SORCS3: variants seen among roughly 807,000 people sequenced by gnomAD.
The protein encoded by SORCS3 is sortilin related VPS10 domain containing receptor 3.
SORCS3 carries 57 observed loss-of-function variants against 146.3 expected under a neutral mutation model. The observed-to-expected ratio is 0.39, with a 90% CI of 0.31 to 0.49. The LOEUF (loss-of-function observed/expected upper bound fraction) is 0.49. Among genes scored for constraint, SORCS3 ranks in the 20% least tolerant of loss-of-function variants. The pLI is 0.92. For synonymous variants in SORCS3, 653 were observed against 618.5 expected, an observed-to-expected ratio of 1.06 and a Z score of -0.83; for missense variants, 1,341 against 1,575.5, an observed-to-expected ratio of 0.85 and a Z score of 2.52.
intron 3 of SORCS3, among the ~76,000 whole-genome samples, chr10:104,972,400 G>A (rs1260020858): frequency 6.6e-6 from 1 of 152,042 alleles, no homozygotes; most frequent in African/African-American, 2.4e-5. Context: ...AACCTTCTGT[G>A]GGAGAAATAT....
chr10:105,052,225 G>C (rs1241925202), intron 5 of SORCS3, among the ~76,000 whole-genome samples: 1 of 152,156 alleles, frequency 6.6e-6, no homozygotes, highest in African/African-American at 2.4e-5. Context: ...GAAAAGATTT[G>C]TGTGCATTAA....
intron 21 of SORCS3, among the ~76,000 whole-genome samples, chr10:105,246,248 C>T (rs922914872): frequency 1.7e-4 from 26 of 152,176 alleles, no homozygotes; most frequent in Admixed American, 2.6e-4. Context: ...ATGAAAGTGC[C>T]TCTACTGCCA....
At chr10:104,933,734 C>T (rs2019232805) in intron 3 of SORCS3, among the ~76,000 whole-genome samples, 1 of 152,182 alleles carries the variant, frequency 6.6e-6, no homozygotes, top group Admixed American at 6.5e-5. Flanking sequence ...CATCTTTATG[C>T]TGGGTCTCCC....
chr10:105,128,764 T>C (rs2055994266), intron 7 of SORCS3, among the ~76,000 whole-genome samples: 1 of 152,166 alleles, frequency 6.6e-6, no homozygotes, highest in African/African-American at 2.4e-5. Flanking sequence ...AATTTGTCAG[T>C]GAATACACTT....
chr10:104,762,879 T>C (rs1181526665), intron 1 of SORCS3, among the ~76,000 whole-genome samples: 1 of 152,150 alleles, frequency 6.6e-6, no homozygotes, highest in African/African-American at 2.4e-5. Context: ...GGTAGTATCT[T>C]TATAGCAATG....
At chr10:105,038,789 T>G (rs1183935915) in intron 4 of SORCS3, among the ~76,000 whole-genome samples, 3 of 152,178 alleles carry the variant, frequency 2.0e-5, no homozygotes, top group Admixed American at 2.0e-4. Context: ...ATTAATAATG[T>G]CATGAGAATT....
At chr10:105,080,326 T>C (rs909191186) in intron 5 of SORCS3, among the ~76,000 whole-genome samples, 1 of 152,246 alleles carries the variant, frequency 6.6e-6, no homozygotes, top group Non-Finnish European at 1.5e-5. Context: ...TGAGCTGTTT[T>C]TCATATGCTT....
chr10:104,716,544 A>G (rs557683052), intron 1 of SORCS3, among the ~76,000 whole-genome samples: 1 of 152,186 alleles, frequency 6.6e-6, no homozygotes, highest in African/African-American at 2.4e-5. Context: ...AGAGAGAGAC[A>G]GGGAGACAGG....
intron 5 of SORCS3, among the ~76,000 whole-genome samples, chr10:105,074,962 G>C (rs2055579521): frequency 1.3e-5 from 2 of 152,292 alleles, no homozygotes; most frequent in South Asian, 4.1e-4. Flanking sequence ...AATTGCCCAA[G>C]GCAGCACATT....
chr10:105,193,528 T>C (rs908502719), intron 14 of SORCS3, among the ~76,000 whole-genome samples: 5 of 152,148 alleles, frequency 3.3e-5, no homozygotes, highest in African/African-American at 9.7e-5. Context: ...GATGTAGACA[T>C]TGAGGTGTAC....
At chr10:105,160,060 C>G (rs2056249229) in intron 11 of SORCS3, among the ~76,000 whole-genome samples, 1 of 152,180 alleles carries the variant, frequency 6.6e-6, no homozygotes, top group Non-Finnish European at 1.5e-5. Context: ...GTGATCCTCA[C>G]ACTCTGCAAT....
intron 1 of SORCS3, among the ~76,000 whole-genome samples, chr10:104,823,618 A>G (rs2017900716): frequency 6.6e-6 from 1 of 152,160 alleles, no homozygotes; most frequent in Non-Finnish European, 1.5e-5. Context: ...TCCAAAGTGC[A>G]GGTCCTAAAA....
At chr10:105,128,526 G>T (rs1297656434) in intron 7 of SORCS3, among the ~76,000 whole-genome samples, 1 of 152,028 alleles carries the variant, frequency 6.6e-6, no homozygotes, top group East Asian at 1.9e-4. Flanking sequence ...AATGTATTTT[G>T]AACATGTCAA....
intron 5 of SORCS3, among the ~76,000 whole-genome samples, chr10:105,066,324 G>C (rs527365674): frequency 1.3e-5 from 2 of 152,272 alleles, no homozygotes; most frequent in East Asian, 3.9e-4. Flanking sequence ...TTCTAGACCT[G>C]TGATCTTACT....
At chr10:104,862,960 A>G (rs1460827714) in intron 2 of SORCS3, among the ~76,000 whole-genome samples, 1 of 152,226 alleles carries the variant, frequency 6.6e-6, no homozygotes, top group Non-Finnish European at 1.5e-5. Flanking sequence ...TGTATGCTAA[A>G]AATTGTCGAG....
intron 1 of SORCS3, among the ~76,000 whole-genome samples, chr10:104,691,183 G>A (rs1485620047): frequency 6.6e-6 from 1 of 152,156 alleles, no homozygotes; most frequent in African/African-American, 2.4e-5. Flanking sequence ...CAACCAAATG[G>A]AGGAATTCCA....
chr10:104,866,625 A>G (rs1028330434), intron 2 of SORCS3, among the ~76,000 whole-genome samples: 3 of 152,222 alleles, frequency 2.0e-5, no homozygotes. Context: ...GAAAGTGGGG[A>G]CAAAGTTTAC....
intron 4 of SORCS3, among the ~76,000 whole-genome samples, chr10:105,019,240 A>G (rs1369900062): frequency 6.6e-6 from 1 of 152,190 alleles, no homozygotes; most frequent in Admixed American, 6.5e-5. Context: ...TACAGATGAA[A>G]AAACTGAAGG....
At chr10:105,192,438 A>G (rs2056521940) in intron 14 of SORCS3, among the ~76,000 whole-genome samples, 2 of 152,120 alleles carry the variant, frequency 1.3e-5, no homozygotes, top group African/African-American at 2.4e-5. Context: ...AGGCAGTAAC[A>G]GAAAGAAGAA....
Sources: gnomAD v4.1 joint callset for allele counts (sites outside exome capture counted in the v4.1 genomes callset) on GRCh38, gnomAD v4.1.1 for gene constraint, MANE v1.5 for transcripts, NCBI Gene and HGNC (gene_info 2026-07-23, HGNC 2026-07-21) for gene names.